AKT3: variants seen among roughly 807,000 people sequenced by gnomAD.
The protein encoded by AKT3 is RAC-gamma serine/threonine-protein kinase.
In AKT3, 15 loss-of-function variants were observed where a neutral mutation model predicts 65.3. That is an observed-to-expected ratio of 0.23 (90% CI 0.15 to 0.35). The LOEUF (loss-of-function observed/expected upper bound fraction) is 0.35. Ranked by LOEUF, AKT3 falls within the 10% of genes least tolerant of loss-of-function variation. The pLI, the probability that AKT3 is intolerant of heterozygous loss-of-function variation, is 1.00. For synonymous variants in AKT3, 206 were observed against 183.8 expected (o/e 1.12, Z -0.98); for missense variants, 243 against 576.5 (o/e 0.42, Z 5.92).
At chr1:243,660,572 G>C (rs1682228939) in intron 4 of AKT3, among the ~76,000 whole-genome samples, 1 of 151,992 alleles carries the variant, frequency 6.6e-6, no homozygotes, top group African/African-American at 2.4e-5. Context: ...AAAATAATAA[G>C]AGCTATCTAT....
chr1:243,720,660 A>G (rs1218193367), intron 2 of AKT3, among the ~76,000 whole-genome samples: 1 of 152,122 alleles, frequency 6.6e-6, no homozygotes, highest in African/African-American at 2.4e-5. Flanking sequence ...TAAACCAGTA[A>G]TTCGAATAAA....
At chr1:243,746,210 T>C (rs1031200061) in intron 2 of AKT3, among the ~76,000 whole-genome samples, 1 of 152,200 alleles carries the variant, frequency 6.6e-6, no homozygotes, top group Admixed American at 6.5e-5. Context: ...TATGTTTTTT[T>C]CAATAATTTA....
chr1:243,815,424 A>G (rs1220441291), intron 2 of AKT3, among the ~76,000 whole-genome samples: 2 of 152,096 alleles, frequency 1.3e-5, no homozygotes, highest in Non-Finnish European at 2.9e-5. Context: ...CTTTCCTTTA[A>G]GCCCTCGAGC....
At chr1:243,812,260 T>C (rs1693210663) in intron 2 of AKT3, among the ~76,000 whole-genome samples, 1 of 152,182 alleles carries the variant, frequency 6.6e-6, no homozygotes, top group South Asian at 2.1e-4. Flanking sequence ...AGAAAATTTT[T>C]GCAATCTACT....
At chr1:243,820,892 T>C (rs1422749850) in intron 2 of AKT3, among the ~76,000 whole-genome samples, 2 of 152,136 alleles carry the variant, frequency 1.3e-5, no homozygotes, top group African/African-American at 4.8e-5. Flanking sequence ...TTCCCCAACC[T>C]AGTAAGACAG....
At chr1:243,727,483 G>A (rs1687284332) in intron 2 of AKT3, among the ~76,000 whole-genome samples, 1 of 152,024 alleles carries the variant, frequency 6.6e-6, no homozygotes, top group Admixed American at 6.6e-5. Context: ...GTCTTGCTAT[G>A]TTGCCCAGGA....
chr1:243,491,076 C>T (rs942851692), intron 13 of AKT3, among the ~76,000 whole-genome samples: 2 of 152,196 alleles, frequency 1.3e-5, no homozygotes, highest in Admixed American at 6.5e-5. Context: ...TCCGTGGAAG[C>T]TGGAGCACAC....
intron 3 of AKT3, among the ~76,000 whole-genome samples, chr1:243,670,575 A>T (rs1169174186): frequency 1.3e-5 from 2 of 152,208 alleles, no homozygotes; most frequent in East Asian, 3.8e-4. Flanking sequence ...AATCAGAAGT[A>T]GAAACTTTGG....
chr1:243,744,590 T>G (rs563531746), intron 2 of AKT3, among the ~76,000 whole-genome samples: 54 of 151,528 alleles, frequency 3.6e-4, no homozygotes, highest in Non-Finnish European at 6.9e-4. Context: ...ATACAAAAAA[T>G]TAGCCGGGCG....
intron 12 of AKT3, among the ~76,000 whole-genome samples, chr1:243,538,186 A>G (rs1672061497): frequency 6.6e-6 from 1 of 152,200 alleles, no homozygotes; most frequent in Admixed American, 6.5e-5. Flanking sequence ...TAGCCTAAAG[A>G]ATAGATGGAG....
At chr1:243,732,623 G>A (rs1308558133) in intron 2 of AKT3, among the ~76,000 whole-genome samples, 2 of 152,064 alleles carry the variant, frequency 1.3e-5, no homozygotes, top group African/African-American at 4.8e-5. Flanking sequence ...AAATACCAAT[G>A]AACAAACAAC....
At chr1:243,506,212 G>A (rs1210024987) in intron 13 of AKT3, among the ~76,000 whole-genome samples, 1 of 152,242 alleles carries the variant, frequency 6.6e-6, no homozygotes, top group East Asian at 1.9e-4. Context: ...AGTCCCAAGG[G>A]CCCCCTGGCC....
intron 5 of AKT3, among the ~76,000 whole-genome samples, chr1:243,642,526 G>C (rs925711542): frequency 6.6e-6 from 1 of 152,104 alleles, no homozygotes; most frequent in Non-Finnish European, 1.5e-5. Context: ...AGCCAGGATG[G>C]TCTCGATCTC....
chr1:243,742,384 G>A (rs1241446860), intron 2 of AKT3, among the ~76,000 whole-genome samples: 1 of 152,224 alleles, frequency 6.6e-6, no homozygotes, highest in African/African-American at 2.4e-5. Flanking sequence ...CCAGCACTTT[G>A]GGAAGCTGAG....
chr1:243,809,784 T>C (rs538830704), intron 2 of AKT3, among the ~76,000 whole-genome samples: 9 of 152,202 alleles, frequency 5.9e-5, no homozygotes, highest in Non-Finnish European at 1.2e-4. Flanking sequence ...TACTTGGAAG[T>C]AAAGCACTCC....
chr1:243,661,244 T>C (rs1197837719), intron 4 of AKT3, among the ~76,000 whole-genome samples: 2 of 152,154 alleles, frequency 1.3e-5, no homozygotes, highest in Non-Finnish European at 2.9e-5. Context: ...GAGCCTGCAT[T>C]GCCAAGTCAA....
At chr1:243,623,179 G>C (rs879612465) in intron 6 of AKT3, among the ~76,000 whole-genome samples, 1 of 152,104 alleles carries the variant, frequency 6.6e-6, no homozygotes, top group Non-Finnish European at 1.5e-5. Flanking sequence ...TTAATACTTC[G>C]TGCCTGATTT....
intron 2 of AKT3, among the ~76,000 whole-genome samples, chr1:243,746,278 GGTT>G (rs1294079255): frequency 6.6e-6 from 1 of 151,282 alleles, no homozygotes; most frequent in Non-Finnish European, 1.5e-5. Flanking sequence ...TCTCAATTAT[GGTT>G]GTTATTTTCA....
chr1:243,497,576 T>C (rs911811602), downstream of AKT3, among the ~76,000 whole-genome samples: 3 of 150,158 alleles, frequency 2.0e-5, no homozygotes, highest in Non-Finnish European at 4.4e-5. Context: ...ACAGCTCCGA[T>C]AGTGATAAAT....
Sources: gnomAD v4.1 joint callset for allele counts (sites outside exome capture counted in the v4.1 genomes callset) on GRCh38, gnomAD v4.1.1 for gene constraint, MANE v1.5 for transcripts, NCBI Gene and HGNC (gene_info 2026-07-23, HGNC 2026-07-21) for gene names.